Variants in ST8SIA4 observed in about 807,000 individuals in gnomAD.
ST8SIA4 encodes the protein ST8 alpha-N-acetyl-neuraminide alpha-2,8-sialyltransferase 4.
ST8SIA4 carries 15 observed loss-of-function variants against 33.9 expected under a neutral mutation model. The ratio of observed to expected loss-of-function variants is 0.44; its 90% CI spans 0.30 to 0.68. ST8SIA4 has a LOEUF of 0.68. ST8SIA4 is among the 30% of genes least tolerant of loss of function. ST8SIA4 has a pLI of 0.10. For missense variants in ST8SIA4, 321 were observed against 428.0 expected, an observed-to-expected ratio of 0.75 and a Z score of 2.21; for synonymous variants, 171 against 151.2, an observed-to-expected ratio of 1.13 and a Z score of -0.96.
At chr5:100,901,869 TACAC>T (rs772063023) in intron 1 of ST8SIA4, among the ~76,000 whole-genome samples, 13 of 152,142 alleles carry the variant, frequency 8.5e-5, no homozygotes, top group Non-Finnish European at 1.6e-4. Flanking sequence ...CACACACACA[TACAC>T]ACACACGCAA....
At chr5:100,836,717 ACAAT>A (rs1327409155) in intron 4 of ST8SIA4, among the ~76,000 whole-genome samples, 3 of 152,078 alleles carry the variant, frequency 2.0e-5, no homozygotes, top group Non-Finnish European at 4.4e-5. Context: ...CGAAATTTAA[ACAAT>A]CAACTTGAAT....
At chr5:100,894,203 A>G (rs1752732958) in intron 2 of ST8SIA4, among the ~76,000 whole-genome samples, 1 of 152,172 alleles carries the variant, frequency 6.6e-6, no homozygotes, top group African/African-American at 2.4e-5. Flanking sequence ...GCTAAACCTT[A>G]GGAAGAGTAC....
At chr5:100,870,993 C>A (rs185455611) in intron 3 of ST8SIA4, among the ~76,000 whole-genome samples, 3 of 151,966 alleles carry the variant, frequency 2.0e-5, no homozygotes, top group Non-Finnish European at 2.9e-5. Flanking sequence ...AGTGGTTATT[C>A]GTTTTAGTAG....
intron 4 of ST8SIA4, among the ~76,000 whole-genome samples, chr5:100,828,302 C>A (rs1751183539): frequency 6.6e-6 from 1 of 152,090 alleles, no homozygotes; most frequent in Admixed American, 6.6e-5. Context: ...TTTTTGTCAG[C>A]CTTTCAGAGT....
At chr5:100,861,803 A>G (rs909237548) in intron 3 of ST8SIA4, among the ~76,000 whole-genome samples, 1 of 152,176 alleles carries the variant, frequency 6.6e-6, no homozygotes, top group African/African-American at 2.4e-5. Flanking sequence ...ATAAGTGACA[A>G]ATAAAAATAT....
At chr5:100,865,562 A>G (rs1752043131) in intron 3 of ST8SIA4, among the ~76,000 whole-genome samples, 1 of 152,200 alleles carries the variant, frequency 6.6e-6, no homozygotes. Flanking sequence ...CTCAGTGACT[A>G]TCCCAATGAT....
intron 4 of ST8SIA4, among the ~76,000 whole-genome samples, chr5:100,824,736 C>T (rs528954312): frequency 1.3e-5 from 2 of 152,096 alleles, no homozygotes; most frequent in South Asian, 2.1e-4. Flanking sequence ...ATGAGTTCCT[C>T]CAATGGCTGC....
chr5:100,860,820 A>G (rs1467658152), intron 3 of ST8SIA4, among the ~76,000 whole-genome samples: 3 of 152,152 alleles, frequency 2.0e-5, no homozygotes, highest in African/African-American at 2.4e-5. Context: ...CTATAGAACA[A>G]AGAGTGTTCT....
At chr5:100,894,843 C>T (rs1172078953) in intron 2 of ST8SIA4, among the ~76,000 whole-genome samples, 4 of 152,046 alleles carry the variant, frequency 2.6e-5, no homozygotes, top group African/African-American at 9.7e-5. Flanking sequence ...TTAATGCTAA[C>T]TATTAATTGA....
chr5:100,839,355 C>T (rs572551641), intron 4 of ST8SIA4, among the ~76,000 whole-genome samples: 1 of 152,068 alleles, frequency 6.6e-6, no homozygotes, highest in East Asian at 1.9e-4. Context: ...TGATTTTGCT[C>T]TGCAGATGTC....
intron 3 of ST8SIA4, among the ~76,000 whole-genome samples, chr5:100,870,259 G>A (rs966417972): frequency 1.3e-4 from 20 of 152,036 alleles, no homozygotes; most frequent in Non-Finnish European, 2.6e-4. Flanking sequence ...ATGAACATTT[G>A]GGTTGGTTCC....
At position 100,883,069 on chromosome 5, in the gene ST8SIA4, T is replaced by C. The variant is rs74562029; in HGVS notation, c.503+3274A>G. 8.9e-3 allele frequency among the ~76,000 whole-genome samples: 1,361 copies of C among 152,088 alleles called. 16 individuals are homozygous for C. The highest frequency in any genetic ancestry group is 0.031 in the African/African-American group (1,304 of 41,488). ...CACCATCCTTCAGACCCCAGAATGG[T>C]AGATGCACAGACAGCTTGCACCGTT... On this transcript the variant is annotated intron_variant, in intron 3 of 4. Transcript: ENST00000231461.
At position 100,900,762 on chromosome 5, in the gene ST8SIA4, G is replaced by C. The variant is rs183197399; in HGVS notation, c.113+2081C>G. 2.3e-4 allele frequency among the ~76,000 whole-genome samples: 31 copies of C among 135,530 alleles called. 1 individual carries two copies. In the East Asian group the frequency reaches 8.3e-3, roughly 36 times the overall value. 88.9% of individuals were successfully genotyped at this position (135,530 alleles called of 152,430 possible). ...TGAGCTTTGAAAGTGACTTTGGGTGGGGGGTGGGGGTGGGGTGGGGGTGGA... is the reference window on the plus strand; with the variant it reads ...TGAGCTTTGAAAGTGACTTTGGGTGCGGGGTGGGGGTGGGGTGGGGGTGGA... On this transcript the variant is annotated intron_variant, in intron 1 of 4. Coordinates refer to ENST00000231461, the MANE Select transcript of ST8SIA4 (RefSeq NM_005668.6).
intron 3 of ST8SIA4, among the ~76,000 whole-genome samples, chr5:100,875,296 T>C (rs1012008112): frequency 1.3e-5 from 2 of 152,166 alleles, no homozygotes; most frequent in Non-Finnish European, 2.9e-5. Context: ...TAGAGTAGAA[T>C]GCTGATAGCT....
At chr5:100,829,920 AAAAG>A (rs1751217781) in intron 4 of ST8SIA4, among the ~76,000 whole-genome samples, 1 of 152,072 alleles carries the variant, frequency 6.6e-6, no homozygotes, top group Non-Finnish European at 1.5e-5. Flanking sequence ...AAAAAAAAAA[AAAAG>A]AATTACTACA....
chr5:100,895,806 C>T, intron 1 of ST8SIA4, 21 bp from the exon 2 acceptor site: 1 of 1,610,326 alleles, frequency 6.2e-7, no homozygotes, highest in Middle Eastern at 1.7e-4. Flanking sequence ...ACAAAATTGC[C>T]AGCTTTGTGA....
At chr5:100,848,454 G>A (rs1419391922) in intron 4 of ST8SIA4, among the ~76,000 whole-genome samples, 1 of 149,004 alleles carries the variant, frequency 6.7e-6, no homozygotes, top group Non-Finnish European at 1.5e-5. Context: ...TGCAGTGTGT[G>A]TATATATACA....
chr5:100,817,988 A>G (rs1226846624), intron 4 of ST8SIA4, among the ~76,000 whole-genome samples: 1 of 152,202 alleles, frequency 6.6e-6, no homozygotes, highest in Non-Finnish European at 1.5e-5. Flanking sequence ...CAGTGTAAAG[A>G]GCTCTATATG....
At chr5:100,857,549 T>C (rs1245822672) in intron 3 of ST8SIA4, among the ~76,000 whole-genome samples, 1 of 152,024 alleles carries the variant, frequency 6.6e-6, no homozygotes, top group Non-Finnish European at 1.5e-5. Context: ...TTTAATACTT[T>C]TATCAGCCTT....
Sources: allele counts gnomAD v4.1 joint callset (sites outside exome capture counted in the v4.1 genomes callset), GRCh38; gene constraint gnomAD v4.1.1; transcripts MANE v1.5; gene names NCBI Gene and HGNC (gene_info 2026-07-23, HGNC 2026-07-21).